SH2B3: variants seen among roughly 807,000 people sequenced by gnomAD.
SH2B3 encodes the protein SH2B adaptor protein 3.
Under a neutral mutation model 51.9 loss-of-function variants are expected in SH2B3, and 43 were observed. The observed-to-expected ratio is 0.83, with a 90% confidence interval of 0.65 to 1.07. The LOEUF (loss-of-function observed/expected upper bound fraction) is 1.07, where lower values mean the gene tolerates loss of function less well. Ranked by LOEUF, SH2B3 falls within the 50% of genes least tolerant of loss-of-function variation. SH2B3 has a pLI of 0.00. For missense variants in SH2B3, 952 were observed against 834.3 expected (o/e 1.14, Z -1.74); for synonymous variants, 396 against 376.0 (o/e 1.05, Z -0.62).
chr12:111,424,484 T>C (rs940885218), intron 2 of SH2B3, among the ~76,000 whole-genome samples: 5 of 152,168 alleles, frequency 3.3e-5, no homozygotes, highest in African/African-American at 1.2e-4. Flanking sequence ...AAGACTCCTG[T>C]TCTCTGGGAG....
Position 111,451,059 on chromosome 12 carries a change from A to G in SH2B3, c.*2757A>G, listed in dbSNP as rs189463848. ...AGCTCCCGGCACCATCCCTTCCTTC[A>G]TCTGACTTATTGAACTTTTACAAAC... On this transcript the variant is annotated 3_prime_UTR_variant, in exon 8 of 8. Transcript: ENST00000341259. 9 of 152,814 alleles carry G rather than the reference A, an allele frequency of 5.9e-5. No homozygotes were observed. The East Asian group carries it at 1.7e-3, about 29-fold the overall frequency. 9.5% of individuals were successfully genotyped at this position (152,814 alleles called of 1,614,324 possible). A position where few individuals can be genotyped will look rare whatever the true frequency, so the allele number is the denominator to read the frequency against.
At chr12:111,439,008 C>T (rs138999265) in intron 2 of SH2B3, among the ~76,000 whole-genome samples, 1 of 152,302 alleles carries the variant, frequency 6.6e-6, no homozygotes, top group Non-Finnish European at 1.5e-5. Context: ...TGCTCTGTTG[C>T]CCAGGCTGCA....
rs557658468 is a variant in SH2B3 at position 111,427,388 on chromosome 12, G to GAAAAAA, written c.732+8536_732+8541dup. ...GCGACAGAGCAAGACTCCATCTCAG[G>GAAAAAA]AAAAAAAAAAAAAAAAAAAAAAAAA... is the stretch of plus-strand genomic sequence containing the variant. On this transcript the variant is annotated intron_variant, in intron 2 of 7. Coordinates refer to ENST00000341259, the MANE Select transcript of SH2B3 (RefSeq NM_005475.3). Among the ~76,000 whole-genome samples, 8 of 83,038 alleles carry GAAAAAA rather than the reference G, an allele frequency of 9.6e-5. No individual in the cohort carries two copies. In the East Asian group the frequency reaches 2.1e-3, roughly 21 times the overall value. 54.5% of individuals were successfully genotyped at this position (83,038 alleles called of 152,430 possible).
In SH2B3 at chr12:111,418,747, T is replaced by C; in HGVS notation, c.602T>C (p.Leu201Pro). The stretch of plus-strand genomic sequence containing the variant: ...CCCGAGGCGCTGAAGGAGGCGGTGC[T>C]GCGCTACAGCCTGGCCGACGAGGCC... ...PPPEALKEAV[L>P]RYSLADEASM... The change falls in exon 2 of 8, where the codon CTG (leucine) becomes CCG (proline). Residue 201 changes from leucine to proline, a missense_variant. Transcript: ENST00000341259. The surrounding 1 kb of genome is among the most constrained non-coding windows in gnomAD (Gnocchi z 6.7). 3 of 1,483,512 alleles carry C rather than the reference T, an allele frequency of 2.0e-6. No individual in the cohort carries two copies. The highest frequency in any genetic ancestry group is 2.3e-5 in the Admixed American group (1 of 43,654). The allele number at this position is 1,483,512 out of a possible 1,614,324, so 91.9% of individuals were successfully genotyped here.
chr12:111,432,209 G>A (rs1282385689), intron 2 of SH2B3, among the ~76,000 whole-genome samples: 1 of 150,028 alleles, frequency 6.7e-6, no homozygotes, highest in African/African-American at 2.5e-5. Flanking sequence ...GTGCCACCAC[G>A]CCCGGCTAAT....
Position 111,447,186 on chromosome 12 carries a change from T to C in SH2B3, c.988T>C (p.Ser330Pro), listed in dbSNP as rs1356074988. 1 of 1,613,812 alleles carries C rather than the reference T, an allele frequency of 6.2e-7. No individual in the cohort carries two copies. The change falls in exon 5 of 8, where the codon TCC becomes CCC. Residue 330 changes from serine to proline, a missense_variant. Coordinates refer to ENST00000341259, the MANE Select transcript of SH2B3 (RefSeq NM_005475.3). Reference protein sequence around the residue: ...PSALEPSTSSSPRGSTDSLNQ... With the variant: ...PSALEPSTSSPPRGSTDSLNQ... ...AGCCCTAGAGCCTAGCACGTCCAGC[T>C]CCCCAAGGGGCAGCACAGATTCCCT...
At chr12:111,437,825 C>G (rs1041820177) in intron 2 of SH2B3, among the ~76,000 whole-genome samples, 1 of 152,166 alleles carries the variant, frequency 6.6e-6, no homozygotes, top group African/African-American at 2.4e-5. Flanking sequence ...CACTTGAGAG[C>G]TTGGGGGTCC....
At chr12:111,421,441 G>C (rs190363268) in intron 2 of SH2B3, among the ~76,000 whole-genome samples, 174 of 115,546 alleles carry the variant, frequency 1.5e-3, no homozygotes, top group Non-Finnish European at 2.3e-3. Context: ...ACAAGGTCTC[G>C]CTCTGTCACC....
Position 111,418,536 on chromosome 12 carries a change from G to T in SH2B3, c.391G>T (p.Gly131Trp), listed in dbSNP as rs865933982. The T allele has an allele frequency of 7.0e-7, 1 of 1,430,072 alleles. No homozygotes were observed. The highest frequency in any genetic ancestry group is 9.1e-7 in the Non-Finnish European group (1 of 1,093,966). The allele number at this position is 1,430,072 out of a possible 1,614,324, so 88.6% of individuals were successfully genotyped here. A position where few individuals can be genotyped will look rare whatever the true frequency, so the allele number is the denominator to read the frequency against. ...GGAGCTGGCCCCGCCGCGGCCGCCCGGGCCCTGCTCCTTCCAGCACTTTCG... is the reference window on the plus strand; with the variant it reads ...GGAGCTGGCCCCGCCGCGGCCGCCCTGGCCCTGCTCCTTCCAGCACTTTCG... ...SEELAPPRPP[G>W]PCSFQHFRRS... Residue 131 changes from glycine to tryptophan, a missense_variant, in exon 2 of 8, where the codon GGG becomes TGG. Transcript: ENST00000341259. The surrounding 1 kb of genome is among the most constrained non-coding windows in gnomAD (Gnocchi z 6.7).
chr12:111,415,810 C>T (rs1476325707), intron 1 of SH2B3, among the ~76,000 whole-genome samples: 1 of 151,688 alleles, frequency 6.6e-6, no homozygotes, highest in African/African-American at 2.4e-5. Context: ...TTAGTAGAGG[C>T]GAGGTTTCAC....
rs752969942 is a variant in SH2B3 at position 111,447,200 on chromosome 12, C to T, written c.1002C>T (p.Ser334=). The T allele has an allele frequency of 6.8e-6, 11 of 1,613,236 alleles. No homozygotes were observed. The highest frequency in any genetic ancestry group is 9.3e-6 in the Non-Finnish European group (11 of 1,179,242). ...GCACGTCCAGCTCCCCAAGGGGCAG[C>T]ACAGATTCCCTTAACCAAGGTGGGT... ...EPSTSSSPRG[S]TDSLNQGASP... The change falls in exon 5 of 8, where the codon AGC becomes AGT. Residue 334 remains serine, a synonymous_variant. Transcript: ENST00000341259.
At chr12:111,441,491 T>G (rs1873402408) in intron 2 of SH2B3, among the ~76,000 whole-genome samples, 1 of 152,130 alleles carries the variant, frequency 6.6e-6, no homozygotes, top group African/African-American at 2.4e-5. Context: ...AGTTGCTGCA[T>G]GGTTCTGTAG....
At position 111,407,152 on chromosome 12, in the gene SH2B3, C is replaced by T. The variant is rs540639423; in HGVS notation, c.-28+875C>T. The stretch of plus-strand genomic sequence containing the variant: ...TCCCGCTTCTTTTTTTCTTTAGTTT[C>T]CTCATTCTCCTGTTTCTCTTCCCCA... On this transcript the variant is annotated intron_variant, in intron 1 of 7. Transcript: ENST00000341259. The surrounding 1 kb of genome is among the most constrained non-coding windows in gnomAD (Gnocchi z 4.3). Among the ~76,000 whole-genome samples the T allele has an allele frequency of 4.5e-3, 682 of 152,226 alleles. 3 individuals are homozygous for T. The highest frequency in any genetic ancestry group is 7.8e-3 in the Non-Finnish European group (533 of 68,002).
rs1213062585 is a variant in SH2B3 at position 111,447,118 on chromosome 12, CCAGCAGGCTGGAGAG to C, written c.927-4_937del. On this transcript the variant is annotated splice_acceptor_variant and splice_polypyrimidine_tract_variant and coding_sequence_variant and intron_variant, in exon 5 of 8. Transcript: ENST00000341259. LOFTEE classifies it high-confidence loss of function. ...CAGATCCTTAACCTCAGCCTCTTCTCCAGCAGGCTGGAGAGCACAGAAGCAGAGATGCATATTCCC... is the reference window on the plus strand; with the variant it reads ...CAGATCCTTAACCTCAGCCTCTTCTCCACAGAAGCAGAGATGCATATTCCC... 1 of 1,613,254 alleles carries C rather than the reference CCAGCAGGCTGGAGAG, an allele frequency of 6.2e-7. No homozygotes were observed. Among genetic ancestry groups the C allele is most frequent in the Non-Finnish European group, 8.5e-7 (1 of 1,179,314 alleles).
At chr12:111,405,790 G>A (rs938305140), upstream of SH2B3, among the ~76,000 whole-genome samples, 6 of 152,044 alleles carry the variant, frequency 3.9e-5, no homozygotes, top group Admixed American at 3.9e-4. This position sits in a 1 kb window ranked among gnomAD's most constrained non-coding sequence, Gnocchi z 5.4. Context: ...CCGCCCTCAT[G>A]GCCCGCCCCT....
chr12:111,439,800 T>C (rs565762607), intron 2 of SH2B3, among the ~76,000 whole-genome samples: 2 of 152,200 alleles, frequency 1.3e-5, no homozygotes, highest in African/African-American at 2.4e-5. Context: ...ATGGCAGTTT[T>C]TGATGCTGCC....
intron 1 of SH2B3, among the ~76,000 whole-genome samples, chr12:111,415,306 G>C (rs1040343557): frequency 6.6e-6 from 1 of 152,180 alleles, no homozygotes; most frequent in African/African-American, 2.4e-5. Flanking sequence ...GTGGTCTCCA[G>C]CAGGGGCCCA....
intron 1 of SH2B3, among the ~76,000 whole-genome samples, chr12:111,414,767 G>A (rs1345788511): frequency 2.0e-5 from 3 of 152,156 alleles, no homozygotes; most frequent in Non-Finnish European, 4.4e-5. Flanking sequence ...GCGGGACATG[G>A]CCACATGCAG....
At chr12:111,447,612 G>A in intron 6 of SH2B3, 44 bp from the exon 7 acceptor site, 1 of 1,610,260 alleles carries the variant, frequency 6.2e-7, no homozygotes, top group South Asian at 1.1e-5. Context: ...GGAGTTCAGG[G>A]TCCTAGAGGG....
Sources: gnomAD v4.1 joint callset for allele counts (sites outside exome capture counted in the v4.1 genomes callset) on GRCh38, gnomAD v4.1.1 for gene constraint, Gnocchi (gnomAD v3.1) non-coding constraint, MANE v1.5 for transcripts, NCBI Gene and HGNC (gene_info 2026-07-23, HGNC 2026-07-21) for gene names.